Variants in SOX5 observed in about 807,000 individuals in gnomAD.
The protein encoded by SOX5 is transcription factor SOX-5.
Under a neutral mutation model 92.0 loss-of-function variants are expected in SOX5, and 9 were observed. The ratio of observed to expected loss-of-function variants is 0.10; its 90% CI spans 0.06 to 0.17. The LOEUF is 0.17. Among genes scored for constraint, SOX5 ranks in the 10% least tolerant of loss-of-function variants. SOX5 has a pLI of 1.00. For missense variants in SOX5, 642 were observed against 944.5 expected (o/e 0.68, Z 4.20); for synonymous variants, 344 against 336.3 (o/e 1.02, Z -0.25).
chr12:23,986,401 G>C lies in SOX5; in HGVS notation c.-1-90377C>G, dbSNP rs893809048. 5.3e-5 allele frequency among the ~76,000 whole-genome samples: 8 copies of C among 152,034 alleles called. No homozygotes were observed. In the East Asian group the frequency reaches 1.4e-3, roughly 26 times the overall value. On this transcript the variant is annotated intron_variant, in intron 4 of 4. Transcript: ENST00000446891. Reference sequence around the variant, plus strand: ...CATGTATAAAGTAGGTATCTTGTCAGAAAAGGACTTATTATCACTTTAGGT... The same window carrying C: ...CATGTATAAAGTAGGTATCTTGTCACAAAAGGACTTATTATCACTTTAGGT...
intron 2 of SOX5, among the ~76,000 whole-genome samples, chr12:23,892,655 A>C (rs925846705): frequency 5.3e-5 from 8 of 152,352 alleles, no homozygotes; most frequent in Non-Finnish European, 4.4e-5. Context: ...ACAGAAAAAA[A>C]CAGCTGGAAT....
At chr12:23,549,809 C>G (rs1305687890) in intron 11 of SOX5, among the ~76,000 whole-genome samples, 1 of 151,774 alleles carries the variant, frequency 6.6e-6, no homozygotes, top group East Asian at 1.9e-4. Flanking sequence ...TTGCTGAGAT[C>G]AAGGAGAAAC....
chr12:24,241,430 A>C (rs888633785), intron 3 of SOX5, among the ~76,000 whole-genome samples: 4 of 152,206 alleles, frequency 2.6e-5, no homozygotes, highest in Non-Finnish European at 4.4e-5. Context: ...GACAATTTAA[A>C]ACAGTCTTTC....
intron 10 of SOX5, among the ~76,000 whole-genome samples, chr12:23,566,799 T>C (rs1362079065): frequency 6.6e-6 from 1 of 152,246 alleles, no homozygotes; most frequent in Non-Finnish European, 1.5e-5. Flanking sequence ...TAACTGTCAC[T>C]TTATAAAATG....
At chr12:24,000,446 G>T (rs1951488290) in intron 4 of SOX5, among the ~76,000 whole-genome samples, 1 of 151,870 alleles carries the variant, frequency 6.6e-6, no homozygotes, top group Admixed American at 6.6e-5. Context: ...TTGAAGAAAA[G>T]TCTCTATATT....
chr12:23,794,180 C>T (rs112459752), intron 3 of SOX5, among the ~76,000 whole-genome samples: 1,553 of 152,060 alleles, frequency 0.01, 34 homozygotes, highest in African/African-American at 0.035. Context: ...TATTGATTTT[C>T]TCTTTAATTG....
chr12:24,412,515 C>G (rs1964287076), intron 1 of SOX5, among the ~76,000 whole-genome samples: 1 of 151,922 alleles, frequency 6.6e-6, no homozygotes, highest in Non-Finnish European at 1.5e-5. Flanking sequence ...ATTTATGTCC[C>G]TTGAGACTTT....
intron 3 of SOX5, among the ~76,000 whole-genome samples, chr12:23,791,580 G>T (rs775883881): frequency 6.6e-6 from 1 of 152,072 alleles, no homozygotes; most frequent in Non-Finnish European, 1.5e-5. Context: ...AAATTTCATT[G>T]CCAAGTTCCT....
At position 23,645,297 on chromosome 12, in the gene SOX5, G is replaced by T. The variant is rs368031890; in HGVS notation, c.932-4400C>A. Among the ~76,000 whole-genome samples the T allele has an allele frequency of 9.1e-4, 138 of 152,258 alleles. 2 individuals carry two copies. The South Asian group carries it at 0.028, about 30-fold the overall frequency. On this transcript the variant is annotated intron_variant, in intron 7 of 14. Transcript: ENST00000451604. ...GATAGGGTGAAATGCATCAAAGCAGGAGTATGACATGCTAAAGGAATGTAG... is the reference window on the plus strand; with the variant it reads ...GATAGGGTGAAATGCATCAAAGCAGTAGTATGACATGCTAAAGGAATGTAG...
rs530217343 is a variant in SOX5 at position 23,812,578 on chromosome 12, A to G, written c.481+33405T>C. Among the ~76,000 whole-genome samples the G allele has an allele frequency of 8.5e-5, 13 of 152,266 alleles. No individual in the cohort carries two copies. The South Asian group carries it at 2.5e-3, about 29-fold the overall frequency. ...GACACAATAAAATTTTGAGCACATA[A>G]ATAATATGAGCAAGGCCAAACCAAC... On this transcript the variant is annotated intron_variant, in intron 3 of 14. Transcript: ENST00000451604.
At chr12:24,124,006 A>G (rs1429735280) in intron 4 of SOX5, among the ~76,000 whole-genome samples, 1 of 152,236 alleles carries the variant, frequency 6.6e-6, no homozygotes, top group East Asian at 1.9e-4. Context: ...TTAAAATGCA[A>G]TTGCATGGCT....
intron 1 of SOX5, among the ~76,000 whole-genome samples, chr12:24,392,794 A>T (rs545689486): frequency 6.6e-6 from 1 of 152,286 alleles, no homozygotes; most frequent in East Asian, 1.9e-4. Flanking sequence ...TAATTTTTAA[A>T]TGAATTGAAT....
intron 7 of SOX5, among the ~76,000 whole-genome samples, chr12:23,664,759 A>C (rs1162740193): frequency 1.3e-5 from 2 of 152,208 alleles, no homozygotes; most frequent in South Asian, 2.1e-4. Flanking sequence ...TTCATTCATT[A>C]ATTCATTCAT....
chr12:24,092,833 T>C (rs1944819079), intron 4 of SOX5, among the ~76,000 whole-genome samples: 1 of 152,198 alleles, frequency 6.6e-6, no homozygotes, highest in Admixed American at 6.5e-5. Flanking sequence ...TTTCTTGCTT[T>C]AGACCAATAA....
At chr12:23,745,461 C>T (rs561838417) in intron 4 of SOX5, among the ~76,000 whole-genome samples, 28 of 152,260 alleles carry the variant, frequency 1.8e-4, no homozygotes, top group Admixed American at 5.2e-4. Context: ...CAATTGCTCC[C>T]CATTGGCTTC....
chr12:24,450,958 C>T (rs61910421), intron 1 of SOX5, among the ~76,000 whole-genome samples: 15,056 of 152,154 alleles, frequency 0.099, 887 homozygotes, highest in South Asian at 0.16. Flanking sequence ...CCCTCACTAC[C>T]CTTCCCAGTC....
intron 1 of SOX5, among the ~76,000 whole-genome samples, chr12:24,558,310 GC>G (rs1456471414): frequency 3.9e-5 from 6 of 152,270 alleles, no homozygotes; most frequent in Admixed American, 2.6e-4. Flanking sequence ...CGCTGGTAAA[GC>G]CTTCAAAAGT....
rs746791549 is a variant in SOX5 at position 23,549,941 on chromosome 12, C to T, written c.1489-3517G>A. 1.0e-3 allele frequency among the ~76,000 whole-genome samples: 154 copies of T among 152,064 alleles called. 1 individual carries two copies. Among genetic ancestry groups the T allele is most frequent in the Non-Finnish European group, 1.0e-3 (70 of 67,860 alleles). On this transcript the variant is annotated intron_variant, in intron 11 of 14. Transcript: ENST00000451604. ...AGACAGTTGTAGACCACATGGTTTCCTGGGTGCAAATGAGTAACTCCAAAA... is the reference window on the plus strand; with the variant it reads ...AGACAGTTGTAGACCACATGGTTTCTTGGGTGCAAATGAGTAACTCCAAAA...
At chr12:23,590,439 A>C (rs947860730) in intron 9 of SOX5, among the ~76,000 whole-genome samples, 1 of 151,950 alleles carries the variant, frequency 6.6e-6, no homozygotes, top group Non-Finnish European at 1.5e-5. Flanking sequence ...CCTTTTATTC[A>C]TTCATACCTA....
Sources: gnomAD v4.1 joint callset for allele counts (sites outside exome capture counted in the v4.1 genomes callset) on GRCh38, gnomAD v4.1.1 for gene constraint, MANE v1.5 for transcripts, NCBI Gene and HGNC (gene_info 2026-07-23, HGNC 2026-07-21) for gene names.